Variants in LRP8 observed in about 807,000 individuals in gnomAD.
The protein encoded by LRP8 is LDL receptor related protein 8, also known as low-density lipoprotein receptor-related protein 8.
In LRP8, 46 loss-of-function variants were observed where a neutral mutation model predicts 111.6. That is an observed-to-expected ratio of 0.41 (90% confidence interval 0.33 to 0.53). The LOEUF (loss-of-function observed/expected upper bound fraction) is 0.53, where lower values mean the gene tolerates loss of function less well. Ranked by LOEUF, LRP8 falls within the 20% of genes least tolerant of loss-of-function variation. The probability of loss-of-function intolerance (pLI) is 0.20; values close to 1 mark genes in which losing one functional copy is unlikely to be tolerated. For synonymous variants in LRP8, 464 were observed against 511.2 expected, an observed-to-expected ratio of 0.91 and a Z score of 1.24; for missense variants, 959 against 1,297.4, an observed-to-expected ratio of 0.74 and a Z score of 4.01.
In LRP8 at chr1:53,317,982, C is replaced by A. The variant is rs1420749721; in HGVS notation, c.244+8891G>T. ...TGTCACCAGGTAGTAAGGCACAGATCCCTGCCCTAGGCAAGGACTGGCCAG... is the reference window on the plus strand; with the variant it reads ...TGTCACCAGGTAGTAAGGCACAGATACCTGCCCTAGGCAAGGACTGGCCAG... On this transcript the variant is annotated intron_variant, in intron 2 of 18. Transcript: ENST00000306052. This position sits in a 1 kb window ranked among gnomAD's most constrained non-coding sequence, Gnocchi z 4.9. 6.6e-6 allele frequency among the ~76,000 whole-genome samples: 1 copy of A among 152,216 alleles called. No individual in the cohort carries two copies. Among genetic ancestry groups the A allele is most frequent in the African/African-American group, 2.4e-5 (1 of 41,466 alleles).
At chr1:53,255,302 C>A (rs773619345) in intron 15 of LRP8, 117 bp from the exon 16 acceptor site, 266 of 842,370 alleles carry the variant, frequency 3.2e-4, no homozygotes, top group Non-Finnish European at 4.7e-4. Flanking sequence ...AAATGATGAT[C>A]CTGGCTGTTG....
intron 2 of LRP8, among the ~76,000 whole-genome samples, chr1:53,314,842 G>A (rs1489865468): frequency 6.6e-6 from 1 of 152,208 alleles, no homozygotes; most frequent in Non-Finnish European, 1.5e-5. Flanking sequence ...GGCCTGCTCT[G>A]AGCCACGCTG....
chr1:53,268,758 T>C (rs1032229185), intron 8 of LRP8, among the ~76,000 whole-genome samples: 6 of 152,214 alleles, frequency 3.9e-5, no homozygotes, highest in Non-Finnish European at 7.3e-5. Flanking sequence ...GCAATCTTAT[T>C]TTTTCAGTTG....
chr1:53,326,408 G>A (rs1186383458), intron 2 of LRP8, among the ~76,000 whole-genome samples: 9 of 152,260 alleles, frequency 5.9e-5, no homozygotes, highest in African/African-American at 2.2e-4. Flanking sequence ...AGCCAATCAG[G>A]GGCCCTGGGG....
chr1:53,289,571 A>C lies in LRP8; in HGVS notation c.363T>G (p.Thr121=), dbSNP rs1557811698. ...AGACTGAGGGGCAGGACTCACTGCA[A>C]GTGGCCTCGGACTCATCGGAGCCAT... is the stretch of plus-strand genomic sequence containing the variant. ...CPDGSDESEA[T]CTKQVCPAEK... The change falls in exon 3 of 19, where the codon ACT becomes ACG. Residue 121 remains threonine (T), a synonymous_variant. Coordinates refer to ENST00000306052, the MANE Select transcript of LRP8 (RefSeq NM_004631.5). 6.2e-7 allele frequency: 1 copy of C among 1,600,220 alleles called. No homozygotes were observed. The highest frequency in any genetic ancestry group is 1.1e-5 in the South Asian group (1 of 88,504).
At chr1:53,298,022 C>T (rs987994691) in intron 2 of LRP8, among the ~76,000 whole-genome samples, 1 of 152,172 alleles carries the variant, frequency 6.6e-6, no homozygotes, top group Admixed American at 6.5e-5. Flanking sequence ...TCTAAGGGCC[C>T]CCTCCAGCTG....
At position 53,313,813 on chromosome 1, in the gene LRP8, T is replaced by C. The variant is rs887152695; in HGVS notation, c.244+13060A>G. Among the ~76,000 whole-genome samples the C allele has an allele frequency of 2.0e-5, 3 of 152,052 alleles. No homozygotes were observed. In the East Asian group the frequency reaches 5.8e-4, roughly 29 times the overall value. ...TGTCAGTTAAGAAGACTTGGTCCTA[T>C]GAGGGGTGGGCGTCACTGCAGAAGC... On this transcript the variant is annotated intron_variant, in intron 2 of 18. Transcript: ENST00000306052.
intron 2 of LRP8, among the ~76,000 whole-genome samples, chr1:53,298,767 G>A (rs992550989): frequency 2.6e-5 from 4 of 152,202 alleles, no homozygotes; most frequent in Admixed American, 1.3e-4. Context: ...GGGGCTGATG[G>A]GTCCACAGCT....
At chr1:53,276,579 C>T (rs1415602635) in intron 5 of LRP8, 113 bp downstream of exon 5, 2 of 822,866 alleles carry the variant, frequency 2.4e-6, no homozygotes, top group African/African-American at 1.9e-5. Flanking sequence ...TGTAGTAAAC[C>T]CGGGTAATGT....
chr1:53,268,116 T>C (rs1646642923), intron 8 of LRP8: 1 of 152,332 alleles, frequency 6.6e-6, no homozygotes, highest in African/African-American at 2.4e-5. Context: ...GCATGGAGAA[T>C]GGGCTCAAGG....
rs577456831 is a variant in LRP8, at chr1:53,293,008, T to A, written c.245-3319A>T. Among the ~76,000 whole-genome samples, 1 of 152,236 alleles carries A rather than the reference T, an allele frequency of 6.6e-6. No individual in the cohort carries two copies. Among genetic ancestry groups the A allele is most frequent in the South Asian group, 2.1e-4 (1 of 4,816 alleles). ...AGAACACAGAATCAGCCCAGCCCAG[T>A]CTCTGGGAATTAAGAGCAAGTAGGC... On this transcript the variant is annotated intron_variant, in intron 2 of 18. Coordinates refer to ENST00000306052, the MANE Select transcript of LRP8 (RefSeq NM_004631.5). The surrounding 1 kb of genome is among the most constrained non-coding windows in gnomAD (Gnocchi z 4.9).
intron 2 of LRP8, among the ~76,000 whole-genome samples, chr1:53,306,653 T>C (rs1652024673): frequency 6.6e-6 from 1 of 152,060 alleles, no homozygotes; most frequent in Non-Finnish European, 1.5e-5. Flanking sequence ...GGGGCTGGAG[T>C]TGGAGGAGAG....
chr1:53,327,608 G>T (rs187243118), intron 1 of LRP8, among the ~76,000 whole-genome samples, 181 bp downstream of exon 1: 2,094 of 151,942 alleles, frequency 0.014, 48 homozygotes, highest in African/African-American at 0.048. Flanking sequence ...CCTCAACACC[G>T]AGGCCCGCGG....
intron 2 of LRP8, among the ~76,000 whole-genome samples, chr1:53,298,704 C>T (rs187121543): frequency 5.3e-5 from 8 of 152,300 alleles, no homozygotes; most frequent in Non-Finnish European, 8.8e-5. Context: ...CCAGTGGAAA[C>T]GTGGCCTCCT....
chr1:53,305,950 G>A (rs1651872983), intron 2 of LRP8: 1 of 152,306 alleles, frequency 6.6e-6, no homozygotes, highest in Admixed American at 6.5e-5. Flanking sequence ...CAGACTGCCA[G>A]GGGGCCAGGG....
rs1421789882 is a variant in LRP8, at chr1:53,245,095, G to C, written c.*1923C>G. The stretch of plus-strand genomic sequence containing the variant: ...ATTTTCTTAGAGTTTAGGAGGCCAA[G>C]AGTGACACAGAGGAAGGTCCTAGGT... On this transcript the variant is annotated 3_prime_UTR_variant, in exon 19 of 19. Transcript: ENST00000306052. 6.6e-6 allele frequency: 1 copy of C among 152,238 alleles called. No individual in the cohort carries two copies. The allele number at this position is 152,238 out of a possible 1,614,324, so 9.4% of individuals were successfully genotyped here.
At chr1:53,252,166 A>T (rs988398364) in intron 16 of LRP8, among the ~76,000 whole-genome samples, 5 of 152,232 alleles carry the variant, frequency 3.3e-5, no homozygotes, top group African/African-American at 1.2e-4. Context: ...TATCAGAAAT[A>T]ATTTTAGTTA....
At chr1:53,287,620 T>A (rs774440658) in intron 3 of LRP8, among the ~76,000 whole-genome samples, 2 of 152,156 alleles carry the variant, frequency 1.3e-5, no homozygotes, top group Non-Finnish European at 2.9e-5. Flanking sequence ...TCGAAGAGCC[T>A]TTTTTCATAA....
At position 53,328,015 on chromosome 1, in the gene LRP8, CCCCGCCGCCGCCGCCGCCGCCGCTGCCG is replaced by C; in HGVS notation, c.-131_-104del. On this transcript the variant is annotated 5_prime_UTR_variant, in exon 1 of 19. It removes the in-frame stop codon of an upstream open reading frame in the 5' UTR. Transcript: ENST00000306052. ...GCCGCGGCGCCGGGGTTGCCGCTGC[CCCCGCCGCCGCCGCCGCCGCCGCTGCCG>C]CCCGCCCCGGCTCCTCGGCTGCATT... 1 of 716,196 alleles carries C rather than the reference CCCCGCCGCCGCCGCCGCCGCCGCTGCCG, an allele frequency of 1.4e-6. No individual in the cohort carries two copies. Among genetic ancestry groups the C allele is most frequent in the Non-Finnish European group, 1.7e-6 (1 of 586,532 alleles). The allele number at this position is 716,196 out of a possible 1,614,324, so 44.4% of individuals were successfully genotyped here.
Sources: gnomAD v4.1 joint callset for allele counts (sites outside exome capture counted in the v4.1 genomes callset) on GRCh38, gnomAD v4.1.1 for gene constraint, Gnocchi (gnomAD v3.1) non-coding constraint, MANE v1.5 for transcripts, NCBI Gene and HGNC (gene_info 2026-07-23, HGNC 2026-07-21) for gene names.